CCR5AS: variants seen among roughly 807,000 people sequenced by gnomAD.
The protein encoded by CCR5AS is CCR5 antisense RNA.
In CCR5AS at chr3:46,373,767, C is replaced by G. The variant is rs746860511; in HGVS notation, n.392-2350G>C. On this transcript the variant is annotated intron_variant and non_coding_transcript_variant, in intron 2 of 3. Transcript: ENST00000451485. The stretch of plus-strand genomic sequence containing the variant: ...GGTGACAGAGACTCTTGGGATGACG[C>G]ACTGCTGCATCAACCCCATCATCTA... The G allele has an allele frequency of 5.6e-6, 9 of 1,613,666 alleles. No homozygotes were observed. In the South Asian group the frequency reaches 9.9e-5, roughly 18 times the overall value.
intron 1 of CCR5AS, among the ~76,000 whole-genome samples, chr3:46,394,705 G>T (rs916294740): frequency 6.6e-6 from 1 of 152,206 alleles, no homozygotes; most frequent in African/African-American, 2.4e-5. Context: ...ACAAGGAAAA[G>T]TGTACGTGAC....
At chr3:46,388,021 G>A (rs772185722) in intron 2 of CCR5AS, among the ~76,000 whole-genome samples, 4 of 152,028 alleles carry the variant, frequency 2.6e-5, no homozygotes, top group Non-Finnish European at 4.4e-5. Flanking sequence ...CAGGAACTGG[G>A]TATTTTCACT....
At chr3:46,393,514 T>G (rs1247262920) in intron 1 of CCR5AS, among the ~76,000 whole-genome samples, 2 of 151,592 alleles carry the variant, frequency 1.3e-5, no homozygotes, top group African/African-American at 4.8e-5. Context: ...AAAAAAAATT[T>G]TTTTTCCACC....
intron 1 of CCR5AS, among the ~76,000 whole-genome samples, chr3:46,403,382 G>A (rs549975705): frequency 2.6e-5 from 4 of 152,188 alleles, no homozygotes; most frequent in Non-Finnish European, 4.4e-5. Context: ...TTAATGTTGT[G>A]TGTATCAATC....
intron 2 of CCR5AS, among the ~76,000 whole-genome samples, chr3:46,383,429 G>A (rs1701831953): frequency 6.6e-6 from 1 of 152,170 alleles, no homozygotes; most frequent in Non-Finnish European, 1.5e-5. Flanking sequence ...GAATTAACGT[G>A]TTAAGAGCTA....
chr3:46,368,158 T>C (rs1452151493), intron 3 of CCR5AS, among the ~76,000 whole-genome samples: 2 of 152,138 alleles, frequency 1.3e-5, no homozygotes, highest in Non-Finnish European at 2.9e-5. Context: ...TGACTAGACA[T>C]GGGGCAGCTG....
chr3:46,401,201 T>A (rs1702003108), intron 1 of CCR5AS, among the ~76,000 whole-genome samples: 1 of 152,316 alleles, frequency 6.6e-6, no homozygotes, highest in East Asian at 1.9e-4. Flanking sequence ...TGGCTTTATG[T>A]GTTCCAAAAG....
intron 1 of CCR5AS, among the ~76,000 whole-genome samples, chr3:46,394,421 AG>A (rs1701942106): frequency 6.6e-6 from 1 of 152,136 alleles, no homozygotes; most frequent in African/African-American, 2.4e-5. Context: ...GCATGGCCAC[AG>A]GAGAGTCAGG....
At chr3:46,374,461 C>G (rs1329142366) in intron 2 of CCR5AS, 1 of 167,230 alleles carries the variant, frequency 6.0e-6, no homozygotes, top group East Asian at 1.9e-4. Context: ...TGACACTTTT[C>G]ATGTGTGATT....
intron 2 of CCR5AS, among the ~76,000 whole-genome samples, chr3:46,379,001 CT>C (rs775443220): frequency 0.09 from 11,341 of 125,440 alleles, 494 homozygotes; most frequent in South Asian, 0.24. Context: ...TGGTAAATTT[CT>C]TTTTTTTTTT....
chr3:46,374,765 CAGA>C (rs1701729549), intron 2 of CCR5AS: 1 of 167,234 alleles, frequency 6.0e-6, no homozygotes, highest in Admixed American at 6.5e-5. Flanking sequence ...GTTGGTGTTG[CAGA>C]AGGTTTACTC....
Position 46,373,980 on chromosome 3 carries a change from G to A in CCR5AS, n.392-2563C>T, listed in dbSNP as rs532474349. ...CTTGTGACACGGACTCAAGTGGGCTGGTGACCCAGTCAGAGTTGTGCACAT... is the reference window on the plus strand; with the variant it reads ...CTTGTGACACGGACTCAAGTGGGCTAGTGACCCAGTCAGAGTTGTGCACAT... On this transcript the variant is annotated intron_variant and non_coding_transcript_variant, in intron 2 of 3. Coordinates refer to ENST00000451485, the Ensembl canonical transcript of CCR5AS. 20 of 1,533,004 alleles carry A rather than the reference G, an allele frequency of 1.3e-5. No homozygotes were observed. The East Asian group carries it at 2.7e-4, about 21-fold the overall frequency. The allele number at this position is 1,533,004 out of a possible 1,614,324, so 95.0% of individuals were successfully genotyped here.
At chr3:46,385,736 T>A (rs1037575179) in intron 2 of CCR5AS, among the ~76,000 whole-genome samples, 1 of 151,728 alleles carries the variant, frequency 6.6e-6, no homozygotes, top group African/African-American at 2.4e-5. Context: ...ATTTATTTAT[T>A]TATTATTTAT....
At chr3:46,367,006 C>T (rs975684128) in intron 3 of CCR5AS, among the ~76,000 whole-genome samples, 2 of 151,708 alleles carry the variant, frequency 1.3e-5, no homozygotes, top group African/African-American at 2.4e-5. Flanking sequence ...GGGAAGAGCC[C>T]GACTGTCAAT....
At chr3:46,391,817 G>A (rs1418753214) in intron 2 of CCR5AS, among the ~76,000 whole-genome samples, 2 of 152,032 alleles carry the variant, frequency 1.3e-5, no homozygotes, top group Admixed American at 6.6e-5. Flanking sequence ...TAGGCCTAGC[G>A]AGGAACAGCC....
intron 1 of CCR5AS, among the ~76,000 whole-genome samples, chr3:46,403,741 G>A (rs746170269): frequency 2.0e-5 from 3 of 152,180 alleles, no homozygotes; most frequent in East Asian, 1.9e-4. Context: ...TGCCTCTGGC[G>A]AGGAAGACGC....
rs533308660 is a variant in CCR5AS at position 46,367,727 on chromosome 3, C to T, written n.566-2682G>A. Among the ~76,000 whole-genome samples, 4 of 152,154 alleles carry T rather than the reference C, an allele frequency of 2.6e-5. No homozygotes were observed. In the South Asian group the frequency reaches 8.3e-4, roughly 32 times the overall value. On this transcript the variant is annotated intron_variant and non_coding_transcript_variant, in intron 3 of 3. Transcript: ENST00000451485. ...CTGGGACTATAGGGGCGCACCACCA[C>T]ATCCAGCTAATTTTGTGTATTTTTA...
intron 2 of CCR5AS, among the ~76,000 whole-genome samples, chr3:46,382,049 TG>T (rs1701821918): frequency 6.6e-6 from 1 of 152,222 alleles, no homozygotes; most frequent in African/African-American, 2.4e-5. Flanking sequence ...AAGAGAAGCC[TG>T]TAAAATTGAG....
At chr3:46,364,171 C>T (rs949398674), downstream of CCR5AS, among the ~76,000 whole-genome samples, 2 of 152,216 alleles carry the variant, frequency 1.3e-5, no homozygotes, top group Non-Finnish European at 2.9e-5. Flanking sequence ...GAAGAAGATG[C>T]CATCCAGGAC....
Sources: gnomAD v4.1 joint callset for allele counts (sites outside exome capture counted in the v4.1 genomes callset) on GRCh38, gnomAD v4.1.1 for gene constraint, MANE v1.5 for transcripts, NCBI Gene and HGNC (gene_info 2026-07-23, HGNC 2026-07-21) for gene names.